The following NPY4R variants were observed in gnomAD, a reference collection of about 807,000 sequenced individuals.
The protein encoded by NPY4R is neuropeptide Y receptor type 4.
Under a neutral mutation model 11.9 loss-of-function variants are expected in NPY4R, and 2 were observed. The ratio of observed to expected loss-of-function variants is 0.17; its 90% CI spans 0.07 to 0.53. The LOEUF (loss-of-function observed/expected upper bound fraction) is 0.53, where lower values mean the gene tolerates loss of function less well. NPY4R is among the 20% of genes least tolerant of loss of function. NPY4R has a pLI of 0.94. For missense variants in NPY4R, 26 were observed against 280.2 expected, an observed-to-expected ratio of 0.09 and a Z score of 6.48; for synonymous variants, 8 against 121.7, an observed-to-expected ratio of 0.07 and a Z score of 6.15.
At chr10:46,466,281 T>TC (rs1841048318), upstream of NPY4R, among the ~76,000 whole-genome samples, 1 of 73,038 alleles carries the variant, frequency 1.4e-5, no homozygotes, top group African/African-American at 6.7e-5. Context: ...TCTTTCTTTC[T>TC]TTCTCTCTCT....
chr10:46,466,282 T>C (rs1391572390), upstream of NPY4R, among the ~76,000 whole-genome samples: 560 of 63,314 alleles, frequency 8.8e-3, 23 homozygotes, highest in African/African-American at 0.04. Context: ...CTTTCTTTCT[T>C]TCTCTCTCTC....
chr10:46,466,199 C>T (rs1565142251), upstream of NPY4R, among the ~76,000 whole-genome samples: 1 of 59,064 alleles, frequency 1.7e-5, no homozygotes, highest in Non-Finnish European at 3.1e-5. Flanking sequence ...TTCTTTCTTT[C>T]TTTCTTTCTT....
At chr10:46,466,256 T>TC (rs1841039314), upstream of NPY4R, among the ~76,000 whole-genome samples, 1 of 70,612 alleles carries the variant, frequency 1.4e-5, no homozygotes, top group African/African-American at 7.8e-5. Context: ...TCTTTCTTTC[T>TC]TTCTTTCCTT....
chr10:46,466,568 G>A (rs377657959), upstream of NPY4R, among the ~76,000 whole-genome samples: 176 of 48,472 alleles, frequency 3.6e-3, no homozygotes, highest in African/African-American at 0.016. Flanking sequence ...TCAGCCCTGG[G>A]GGAGAAGACA....
upstream of NPY4R, among the ~76,000 whole-genome samples, chr10:46,466,195 CTTTCT>C (rs1565142237): frequency 3.2e-5 from 1 of 30,812 alleles, no homozygotes; most frequent in African/African-American, 1.8e-4. Flanking sequence ...TTCTTTCTTT[CTTTCT>C]TTCTTTCTTT....
At chr10:46,467,968 A>G (rs538787729), upstream of NPY4R, among the ~76,000 whole-genome samples, 23 of 108,862 alleles carry the variant, frequency 2.1e-4, no homozygotes, top group African/African-American at 8.9e-4. Context: ...AAGAGCTGAA[A>G]TGGTGGTAAA....
upstream of NPY4R, among the ~76,000 whole-genome samples, chr10:46,466,243 CTTTCTT>C (rs1588926556): frequency 1.4e-5 from 1 of 69,298 alleles, no homozygotes; most frequent in Non-Finnish European, 2.8e-5. Context: ...TTCTTTCTTT[CTTTCTT>C]TCTTTCTTTC....
At position 46,465,782 on chromosome 10, in the gene NPY4R, CG is replaced by C. The variant is rs1840991182; in HGVS notation, c.-321del. The C allele has an allele frequency of 7.3e-6, 1 of 136,504 alleles. No individual in the cohort carries two copies. The highest frequency in any genetic ancestry group is 2.7e-5 in the African/African-American group (1 of 37,206). The allele number at this position is 136,504 out of a possible 1,614,324, so 8.5% of individuals were successfully genotyped here. The stretch of plus-strand genomic sequence containing the variant: ...AGGATGCTCCCCAGATCCAGTGTGA[CG>C]CTCTGCGCCCCGGGCCAAGGGCAGG... On this transcript the variant is annotated 5_prime_UTR_variant, in exon 1 of 3. Transcript: ENST00000374312.
chr10:46,468,142 G>A (rs1169339736), upstream of NPY4R, among the ~76,000 whole-genome samples: 17 of 125,330 alleles, frequency 1.4e-4, no homozygotes, highest in Non-Finnish European at 2.7e-4. Flanking sequence ...AGATGGTAGG[G>A]CTGGACTTTC....
upstream of NPY4R, among the ~76,000 whole-genome samples, chr10:46,466,215 C>CTTTCTTTCTT (rs1841024919): frequency 1.6e-5 from 1 of 62,388 alleles, no homozygotes; most frequent in African/African-American, 1.0e-4. Flanking sequence ...TTCTTTCTTT[C>CTTTCTTTCTT]TTTCTTTCTT....
chr10:46,466,231 C>CTT (rs1325785573), upstream of NPY4R, among the ~76,000 whole-genome samples: 1 of 68,308 alleles, frequency 1.5e-5, no homozygotes, highest in African/African-American at 8.6e-5. Flanking sequence ...TTCTTTCTTT[C>CTT]TTTCTTTCTT....
Position 46,462,408 on chromosome 10 carries a change from G to A in NPY4R, c.228C>T (p.Thr76=), listed in dbSNP as rs146477439. 1.2e-6 allele frequency: 2 copies of A among 1,614,120 alleles called. No homozygotes were observed. Among genetic ancestry groups the A allele is most frequent in the Non-Finnish European group, 1.7e-6 (2 of 1,179,974 alleles). Reference sequence around the variant, plus strand: ...AGGCCAGGTTGGCGATAAGCAGGTTGGTCACGTTGGCTTTCTCCTTCTGCC... The same window carrying A: ...AGGCCAGGTTGGCGATAAGCAGGTTAGTCACGTTGGCTTTCTCCTTCTGCC... ...TVRQKEKANV[T]NLLIANLAFS... is the part of the protein sequence containing the mutation. Residue 76 remains threonine, a synonymous_variant, in exon 3 of 3, where the codon ACC becomes ACT. Coordinates refer to ENST00000374312, the MANE Select transcript of NPY4R (RefSeq NM_005972.6).
At chr10:46,466,204 T>TTTCTTTC, upstream of NPY4R, among the ~76,000 whole-genome samples, 1 of 48,128 alleles carries the variant, frequency 2.1e-5, no homozygotes, top group East Asian at 2.6e-4. Context: ...TCTTTCTTTC[T>TTTCTTTC]TTCTTTCTTT....
upstream of NPY4R, among the ~76,000 whole-genome samples, chr10:46,466,237 T>TTCTTTTTCTTTCTTTCTTTCTCTCTC (rs1841031460): frequency 1.5e-5 from 1 of 67,472 alleles, no homozygotes; most frequent in African/African-American, 8.6e-5. Context: ...CTTTCTTTCT[T>TTCTTTTTCTTTCTTTCTTTCTCTCTC]TCTTTCTTTC....
chr10:46,468,040 G>A (rs1173916380), upstream of NPY4R, among the ~76,000 whole-genome samples: 1 of 121,984 alleles, frequency 8.2e-6, no homozygotes, highest in Non-Finnish European at 1.7e-5. Flanking sequence ...CCATCCTCAT[G>A]CCTAACTGGT....
upstream of NPY4R, among the ~76,000 whole-genome samples, chr10:46,466,514 G>A (rs1166715431): frequency 3.2e-5 from 2 of 62,604 alleles, no homozygotes; most frequent in African/African-American, 1.4e-4. Context: ...GGGCACCAGA[G>A]CTGGACAAGA....
chr10:46,466,263 C>CTTTCTTTT (rs1370103147), upstream of NPY4R, among the ~76,000 whole-genome samples: 2 of 12,556 alleles, frequency 1.6e-4, no homozygotes, highest in Non-Finnish European at 2.2e-4. Context: ...TTCTTTCTTT[C>CTTTCTTTT]CTTTCTTTCT....
At chr10:46,466,243 CTTTCTTT>C (rs1841033219), upstream of NPY4R, among the ~76,000 whole-genome samples, 1 of 69,296 alleles carries the variant, frequency 1.4e-5, no homozygotes, top group Non-Finnish European at 2.8e-5. Flanking sequence ...TTCTTTCTTT[CTTTCTTT>C]CTTTCTTTCT....
chr10:46,467,471 C>T (rs1464009926), upstream of NPY4R, among the ~76,000 whole-genome samples: 2 of 150,170 alleles, frequency 1.3e-5, no homozygotes, highest in Non-Finnish European at 3.0e-5. Flanking sequence ...GTCCCTGCTG[C>T]CATGACAAAT....
Sources: allele counts gnomAD v4.1 joint callset (sites outside exome capture counted in the v4.1 genomes callset), GRCh38; gene constraint gnomAD v4.1.1; transcripts MANE v1.5; gene names NCBI Gene and HGNC (gene_info 2026-07-23, HGNC 2026-07-21).